The following ZNF124 variants were observed in gnomAD, a reference collection of about 807,000 sequenced individuals.
ZNF124 encodes the protein zinc finger protein 124, also known as zinc finger protein HZF-16.
ZNF124 carries 25 observed loss-of-function variants against 26.6 expected under a neutral mutation model. That is an observed-to-expected ratio of 0.94 (90% CI 0.68 to 1.31). The LOEUF (loss-of-function observed/expected upper bound fraction) is 1.31, where lower values mean the gene tolerates loss of function less well. Ranked by LOEUF, ZNF124 falls within the 40% of genes most tolerant of loss-of-function variation. The pLI is 0.00. For synonymous variants in ZNF124, 129 were observed against 133.3 expected (o/e 0.97, Z 0.22); for missense variants, 444 against 422.2 (o/e 1.05, Z -0.45).
At chr1:247,146,062 A>G (rs917017919) in intron 3 of ZNF124, among the ~76,000 whole-genome samples, 3 of 152,248 alleles carry the variant, frequency 2.0e-5, no homozygotes, top group African/African-American at 4.8e-5. Flanking sequence ...AATGTGAGCA[A>G]TGACCCTGAG....
At chr1:247,164,658 T>C (rs1221620771) in intron 1 of ZNF124, among the ~76,000 whole-genome samples, 1 of 151,996 alleles carries the variant, frequency 6.6e-6, no homozygotes, top group Non-Finnish European at 1.5e-5. Flanking sequence ...TGCTCATTGA[T>C]AGGAAGAATT....
intron 3 of ZNF124, chr1:247,149,876 G>A (rs1672882252): frequency 6.6e-6 from 1 of 152,376 alleles, no homozygotes; most frequent in South Asian, 2.1e-4. Flanking sequence ...AGGCTGGGAA[G>A]TGCAAAATCA....
intron 3 of ZNF124, among the ~76,000 whole-genome samples, chr1:247,135,484 C>T (rs1672460458): frequency 1.3e-5 from 2 of 151,974 alleles, no homozygotes; most frequent in Admixed American, 6.6e-5. Context: ...CCCAGGAAGA[C>T]GTCACATCCC....
intron 1 of ZNF124, among the ~76,000 whole-genome samples, chr1:247,161,750 A>G (rs960402863): frequency 6.7e-6 from 1 of 149,264 alleles, no homozygotes; most frequent in African/African-American, 2.5e-5. Flanking sequence ...ATAATATGGC[A>G]TATTACTATA....
chr1:247,169,770 C>A (rs1673992386), intron 1 of ZNF124, among the ~76,000 whole-genome samples: 1 of 137,114 alleles, frequency 7.3e-6, no homozygotes, highest in African/African-American at 2.8e-5. Context: ...ACTGCCTGAC[C>A]AGCATTTTGT....
chr1:247,139,710 A>G lies in ZNF124; in HGVS notation c.219-15839T>C, dbSNP rs1572063987. ...TCTGGTGGTAATGAACTCCCTCAGC[A>G]TTTGCTTGTCTGAAAAGGATCTTAT... On this transcript the variant is annotated intron_variant, in intron 3 of 3. Coordinates refer to the ZNF124 transcript ENST00000472531. 2.0e-5 allele frequency among the ~76,000 whole-genome samples: 3 copies of G among 152,138 alleles called. No homozygotes were observed. In the East Asian group the frequency reaches 5.8e-4, roughly 29 times the overall value.
rs370150441 is a variant in ZNF124 at position 247,155,644 on chromosome 1, G to A, written c.*922C>T. ...TGGGAGGCTGAAGCGGGCGGATCAC[G>A]AGGTCAGGAGATTGAGACCATCCTG... On this transcript the variant is annotated 3_prime_UTR_variant, in exon 4 of 4. Coordinates refer to ENST00000543802, the MANE Select transcript of ZNF124 (RefSeq NM_001297568.2). 3.9e-5 allele frequency among the ~76,000 whole-genome samples: 6 copies of A among 151,906 alleles called. No homozygotes were observed. The highest frequency in any genetic ancestry group is 1.9e-4 in the East Asian group (1 of 5,182).
At chr1:247,153,601 T>C (rs1216198846), downstream of ZNF124, among the ~76,000 whole-genome samples, 4 of 152,214 alleles carry the variant, frequency 2.6e-5, no homozygotes, top group African/African-American at 9.7e-5. Context: ...CATGTAAAGT[T>C]ACAGGTTTCA....
At chr1:247,139,711 T>A (rs1196914635) in intron 3 of ZNF124, among the ~76,000 whole-genome samples, 1 of 152,218 alleles carries the variant, frequency 6.6e-6, no homozygotes, top group Non-Finnish European at 1.5e-5. Context: ...TCCCTCAGCA[T>A]TTGCTTGTCT....
intron 1 of ZNF124, 82 bp from the exon 2 acceptor site, chr1:247,159,895 T>G: frequency 6.6e-7 from 1 of 1,511,008 alleles, no homozygotes. Context: ...GATGTTCATC[T>G]GATTCTGTGG....
chr1:247,127,554 C>T (rs1355132615), intron 3 of ZNF124, among the ~76,000 whole-genome samples: 1 of 133,660 alleles, frequency 7.5e-6, no homozygotes, highest in Non-Finnish European at 1.6e-5. Context: ...GGCAGACAGC[C>T]CGGCGCCGCG....
At chr1:247,154,113 G>A (rs894620892), downstream of ZNF124, among the ~76,000 whole-genome samples, 7 of 113,996 alleles carry the variant, frequency 6.1e-5, no homozygotes, top group African/African-American at 4.0e-4. Flanking sequence ...ACACGCATAT[G>A]TGTGACACAC....
At chr1:247,130,936 C>T (rs938009617) in intron 3 of ZNF124, among the ~76,000 whole-genome samples, 6 of 152,134 alleles carry the variant, frequency 3.9e-5, no homozygotes, top group Admixed American at 1.3e-4. Context: ...ATTAGCTGGG[C>T]GTGGTGGCGT....
Position 247,157,087 on chromosome 1 carries a change from C to G in ZNF124, c.535G>C (p.Glu179Gln). The stretch of plus-strand genomic sequence containing the variant: ...AAGGCTTTCCCACATTGCTTACATT[C>G]ATAGCGTTTTTCTCCAGTGTGAATC... ...KRIHTGEKRYECKQCGKAFSR... is the reference protein window; with the variant it reads ...KRIHTGEKRYQCKQCGKAFSR... The change falls in exon 4 of 4, where the codon GAA (glutamate) becomes CAA (glutamine). Residue 179 changes from glutamate (E) to glutamine (Q), a missense_variant. Coordinates refer to ENST00000543802, the MANE Select transcript of ZNF124 (RefSeq NM_001297568.2). The G allele has an allele frequency of 6.2e-7, 1 of 1,614,192 alleles. No homozygotes were observed. Among genetic ancestry groups the G allele is most frequent in the South Asian group, 1.1e-5 (1 of 91,080 alleles).
chr1:247,157,395 A>G lies in ZNF124; in HGVS notation c.227T>C (p.Ile76Thr), dbSNP rs1341136024. ...KNSSRNLRHIISHSGNNPYGC... is the reference protein window; with the variant it reads ...KNSSRNLRHITSHSGNNPYGC... ...ATATGGGTTGTTTCCAGAATGAGATATGATGTGCCTATGAAGGGATGAATG... is the reference window on the plus strand; with the variant it reads ...ATATGGGTTGTTTCCAGAATGAGATGTGATGTGCCTATGAAGGGATGAATG... The change falls in exon 4 of 4, where the codon ATA becomes ACA. Residue 76 changes from isoleucine (I) to threonine (T), a missense_variant. Ile to Thr is a moderately conservative substitution (Grantham distance 89). Transcript: ENST00000543802. 1.0e-5 allele frequency: 16 copies of G among 1,552,272 alleles called. No homozygotes were observed. The highest frequency in any genetic ancestry group is 1.3e-5 in the Non-Finnish European group (15 of 1,147,254).
chr1:247,156,000 T>G lies in ZNF124; in HGVS notation c.*566A>C, dbSNP rs1272447468. 1.1e-6 allele frequency: 1 copy of G among 945,566 alleles called. No individual in the cohort carries two copies. The highest frequency in any genetic ancestry group is 6.2e-5 in the Admixed American group (1 of 16,172). The allele number at this position is 945,566 out of a possible 1,614,324, so 58.6% of individuals were successfully genotyped here. A position where few individuals can be genotyped will look rare whatever the true frequency, so the allele number is the denominator to read the frequency against. ...CTCCTAAAACATCTCATTCACATAG[T>G]GAATTTTCTTGAGAATTGTACTATA... On this transcript the variant is annotated 3_prime_UTR_variant, in exon 4 of 4. Transcript: ENST00000543802.
chr1:247,162,065 A>C (rs1673510041), intron 1 of ZNF124, among the ~76,000 whole-genome samples: 1 of 152,142 alleles, frequency 6.6e-6, no homozygotes, highest in African/African-American at 2.4e-5. Context: ...ACAAGCAACT[A>C]CTAAGAGAAT....
chr1:247,159,682 C>T lies in ZNF124; in HGVS notation c.157+5G>A. On this transcript the variant is annotated splice_donor_5th_base_variant and intron_variant, in intron 2 of 3. Transcript: ENST00000543802. ...GACTAAGTGAAGAAATATTGTGATTCTTACCTATGGAAGCCAGATTCCTGA... is the reference window on the plus strand; with the variant it reads ...GACTAAGTGAAGAAATATTGTGATTTTTACCTATGGAAGCCAGATTCCTGA... 1.9e-6 allele frequency: 3 copies of T among 1,609,128 alleles called. No homozygotes were observed. Among genetic ancestry groups the T allele is most frequent in the Non-Finnish European group, 2.5e-6 (3 of 1,178,790 alleles).
At chr1:247,128,874 C>G (rs995539820) in intron 3 of ZNF124, among the ~76,000 whole-genome samples, 1 of 144,734 alleles carries the variant, frequency 6.9e-6, no homozygotes, top group South Asian at 2.1e-4. Context: ...TTGAGTACTT[C>G]CCCCAGCAGG....
Sources: gnomAD v4.1 joint callset for allele counts (sites outside exome capture counted in the v4.1 genomes callset) on GRCh38, gnomAD v4.1.1 for gene constraint, MANE v1.5 for transcripts, NCBI Gene and HGNC (gene_info 2026-07-23, HGNC 2026-07-21) for gene names.